The following CSMD1 variants were observed in gnomAD, a reference collection of about 807,000 sequenced individuals.
The protein encoded by CSMD1 is CUB and sushi domain-containing protein 1.
CSMD1 carries 213 observed loss-of-function variants against 417.5 expected under a neutral mutation model. The observed-to-expected ratio is 0.51, with a 90% CI of 0.46 to 0.57. The LOEUF (loss-of-function observed/expected upper bound fraction) is 0.57. CSMD1 is among the 20% of genes least tolerant of loss of function. CSMD1 has a pLI of 0.00. For missense variants in CSMD1, 6,923 were observed against 4,529.7 expected, an observed-to-expected ratio of 1.53 and a Z score of -15.17; for synonymous variants, 2,862 against 1,736.8, an observed-to-expected ratio of 1.65 and a Z score of -16.11.
intron 2 of CSMD1, among the ~76,000 whole-genome samples, chr8:4,615,326 G>T (rs1239690633): frequency 6.6e-6 from 1 of 152,116 alleles, no homozygotes; most frequent in Non-Finnish European, 1.5e-5. Context: ...CCCAAACCCA[G>T]AAAACTCTCA....
chr8:4,454,313 C>A (rs1329986107), intron 2 of CSMD1, among the ~76,000 whole-genome samples: 1 of 152,196 alleles, frequency 6.6e-6, no homozygotes, highest in Non-Finnish European at 1.5e-5. Context: ...GCCTCTTCTT[C>A]CGCATCCTTG....
intron 5 of CSMD1, among the ~76,000 whole-genome samples, chr8:3,766,729 A>G (rs1303556104): frequency 6.6e-6 from 1 of 152,154 alleles, no homozygotes; most frequent in Non-Finnish European, 1.5e-5. Context: ...TTCTCTTGAT[A>G]TTATTTTTAG....
chr8:3,348,855 A>T (rs1808193987), intron 21 of CSMD1, among the ~76,000 whole-genome samples: 1 of 152,220 alleles, frequency 6.6e-6, no homozygotes, highest in Admixed American at 6.5e-5. Flanking sequence ...CTTTCTGTCA[A>T]CCTGGAGAAA....
At chr8:3,169,738 G>T (rs916107000) in intron 37 of CSMD1, among the ~76,000 whole-genome samples, 3 of 152,126 alleles carry the variant, frequency 2.0e-5, no homozygotes, top group Non-Finnish European at 4.4e-5. Flanking sequence ...GTTGAACAAG[G>T]CACCTGTGAG....
At chr8:4,703,041 G>A (rs948459955) in intron 1 of CSMD1, among the ~76,000 whole-genome samples, 2 of 152,100 alleles carry the variant, frequency 1.3e-5, no homozygotes. Context: ...TATTTATAAT[G>A]TTCACAGTTT....
intron 2 of CSMD1, among the ~76,000 whole-genome samples, chr8:4,579,250 C>T (rs1272191863): frequency 6.7e-6 from 1 of 149,332 alleles, no homozygotes; most frequent in Non-Finnish European, 1.5e-5. Context: ...GAAGTTTAAA[C>T]ATACATACAT....
chr8:3,372,475 T>C (rs1368103429), intron 18 of CSMD1, among the ~76,000 whole-genome samples: 1 of 152,052 alleles, frequency 6.6e-6, no homozygotes, highest in African/African-American at 2.4e-5. Flanking sequence ...GGGAGGAAGG[T>C]GGTCAGGACC....
At chr8:4,291,210 A>G (rs1475986385) in intron 3 of CSMD1, among the ~76,000 whole-genome samples, 1 of 152,120 alleles carries the variant, frequency 6.6e-6, no homozygotes, top group Non-Finnish European at 1.5e-5. Context: ...TTTAATTTTA[A>G]AAACAAAAAT....
chr8:3,239,885 CT>C (rs1274940014), intron 26 of CSMD1, among the ~76,000 whole-genome samples: 1 of 151,874 alleles, frequency 6.6e-6, no homozygotes, highest in Non-Finnish European at 1.5e-5. Context: ...ATGTGGGAGG[CT>C]GGATTGAAGT....
intron 3 of CSMD1, among the ~76,000 whole-genome samples, chr8:4,198,132 G>C (rs960321671): frequency 6.6e-6 from 1 of 152,240 alleles, no homozygotes; most frequent in South Asian, 2.1e-4. Context: ...GGTTCTTTGA[G>C]TTGAGTCTTA....
In CSMD1 at chr8:3,265,286, G is replaced by T. The variant is rs116273755; in HGVS notation, c.4153+18858C>A. 2.8e-3 allele frequency among the ~76,000 whole-genome samples: 425 copies of T among 152,328 alleles called. 3 individuals carry two copies. The highest frequency in any genetic ancestry group is 9.7e-3 in the African/African-American group (404 of 41,572). ...ACTAAGTGTCAAATGTGAGGCAGAG[G>T]AGGAAGAAATGGTAAACGCAGAAAT... On this transcript the variant is annotated intron_variant, in intron 26 of 69. Coordinates refer to ENST00000635120, the MANE Select transcript of CSMD1 (RefSeq NM_033225.6).
intron 5 of CSMD1, among the ~76,000 whole-genome samples, chr8:3,806,008 G>C (rs878890790): frequency 2.6e-5 from 4 of 152,130 alleles, no homozygotes; most frequent in African/African-American, 9.7e-5. Flanking sequence ...CAAACTGGGG[G>C]AGACCTGGAG....
intron 2 of CSMD1, among the ~76,000 whole-genome samples, chr8:4,435,325 T>C (rs534966504): frequency 7.9e-5 from 12 of 152,258 alleles, no homozygotes; most frequent in Non-Finnish European, 4.4e-5. Context: ...ACAGGTAAAA[T>C]GCAGGATTAT....
At chr8:3,073,301 A>G (rs1277350688) in intron 49 of CSMD1, among the ~76,000 whole-genome samples, 1 of 152,140 alleles carries the variant, frequency 6.6e-6, no homozygotes, top group Non-Finnish European at 1.5e-5. Context: ...ATGATTTAAC[A>G]TAGAAAGTAG....
intron 2 of CSMD1, among the ~76,000 whole-genome samples, chr8:4,468,956 T>G (rs1028725708): frequency 1.3e-5 from 2 of 152,154 alleles, no homozygotes; most frequent in African/African-American, 4.8e-5. Context: ...TTACAGACCT[T>G]CAAGAGCATG....
chr8:3,701,893 A>G (rs1030652781), intron 7 of CSMD1, among the ~76,000 whole-genome samples: 2 of 152,206 alleles, frequency 1.3e-5, no homozygotes, highest in South Asian at 2.1e-4. Flanking sequence ...TATGAAGGAC[A>G]AGAGTCCATC....
At chr8:4,073,824 T>C (rs1033420832) in intron 3 of CSMD1, among the ~76,000 whole-genome samples, 11 of 152,084 alleles carry the variant, frequency 7.2e-5, no homozygotes, top group South Asian at 6.2e-4. Context: ...TGGTTGAAAA[T>C]TGCTTTGTTA....
intron 5 of CSMD1, among the ~76,000 whole-genome samples, chr8:3,853,685 T>G (rs1804075070): frequency 6.6e-6 from 1 of 151,864 alleles, no homozygotes; most frequent in Admixed American, 6.6e-5. Flanking sequence ...GGTGGCAGTG[T>G]GCAGTTGGAT....
At chr8:4,652,949 T>A (rs1464865988) in intron 1 of CSMD1, among the ~76,000 whole-genome samples, 1 of 151,000 alleles carries the variant, frequency 6.6e-6, no homozygotes, top group Non-Finnish European at 1.5e-5. Context: ...TGATAGGGAG[T>A]GGCTGGAAAT....
Sources: gnomAD v4.1 joint callset for allele counts (sites outside exome capture counted in the v4.1 genomes callset) on GRCh38, gnomAD v4.1.1 for gene constraint, MANE v1.5 for transcripts, NCBI Gene and HGNC (gene_info 2026-07-23, HGNC 2026-07-21) for gene names.